The following TBCD variants were observed in gnomAD, a reference collection of about 807,000 sequenced individuals.
TBCD encodes the protein tubulin-specific chaperone D.
TBCD carries 105 observed loss-of-function variants against 169.3 expected under a neutral mutation model. The observed-to-expected ratio is 0.62, with a 90% CI of 0.53 to 0.73. The LOEUF (loss-of-function observed/expected upper bound fraction) is 0.73, where lower values mean the gene tolerates loss of function less well. TBCD is among the 30% of genes least tolerant of loss of function. The pLI is 0.00. For synonymous variants in TBCD, 700 were observed against 643.9 expected (o/e 1.09, Z -1.32); for missense variants, 1,444 against 1,600.1 (o/e 0.90, Z 1.66).
chr17:82,853,393 C>T (rs1371985929), intron 13 of TBCD, among the ~76,000 whole-genome samples: 2 of 150,690 alleles, frequency 1.3e-5, no homozygotes, highest in African/African-American at 2.4e-5. Context: ...TCCAGCAACA[C>T]CCCCCCTCCT....
chr17:82,801,222 G>A (rs1299210173), intron 9 of TBCD, among the ~76,000 whole-genome samples: 4 of 152,218 alleles, frequency 2.6e-5, no homozygotes, highest in East Asian at 1.9e-4. Flanking sequence ...AGGCCGAGCC[G>A]TAGGTGAGCG....
intron 8 of TBCD, 29 bp from the exon 9 acceptor site, chr17:82,800,835 C>T (rs2050459380): frequency 3.1e-6 from 5 of 1,604,508 alleles, no homozygotes; most frequent in Non-Finnish European, 3.4e-6. Flanking sequence ...TGCAGCCCTT[C>T]CTGCGCTGAG....
At chr17:82,793,846 A>G (rs1266069860) in intron 7 of TBCD, among the ~76,000 whole-genome samples, 6 of 151,906 alleles carry the variant, frequency 3.9e-5, no homozygotes, top group African/African-American at 1.5e-4. Context: ...CTGCGGGGGC[A>G]CGGATGCGAT....
intron 2 of TBCD, among the ~76,000 whole-genome samples, chr17:82,757,741 A>AT (rs1445533768): frequency 6.6e-6 from 1 of 152,176 alleles, no homozygotes; most frequent in African/African-American, 2.4e-5. Context: ...CCAAAGATAG[A>AT]GGTCCTTGGG....
intron 1 of TBCD, among the ~76,000 whole-genome samples, chr17:82,752,956 C>G (rs1314181931): frequency 2.6e-5 from 4 of 152,194 alleles, no homozygotes; most frequent in Non-Finnish European, 5.9e-5. Context: ...CGGGTCCGTG[C>G]CTCTGCAGGC....
At chr17:82,759,444 C>T (rs565499042) in intron 2 of TBCD, among the ~76,000 whole-genome samples, 61 of 152,262 alleles carry the variant, frequency 4.0e-4, no homozygotes, top group South Asian at 1.0e-3. Context: ...CGAGATCGTG[C>T]CACTGCACTC....
chr17:82,894,623 C>T (rs773637624), intron 17 of TBCD, among the ~76,000 whole-genome samples: 8 of 152,154 alleles, frequency 5.3e-5, no homozygotes, highest in Non-Finnish European at 7.3e-5. Flanking sequence ...TTCAGGTTTC[C>T]TCAACATTTA....
intron 13 of TBCD, among the ~76,000 whole-genome samples, chr17:82,865,322 G>A (rs2057089852): frequency 6.6e-6 from 1 of 152,220 alleles, no homozygotes; most frequent in Admixed American, 6.5e-5. Flanking sequence ...GCGGCTCTCG[G>A]GAGCCGTTTC....
At chr17:82,781,495 G>T in intron 6 of TBCD, 94 bp from the exon 7 acceptor site, 2 of 1,508,798 alleles carry the variant, frequency 1.3e-6, no homozygotes, top group South Asian at 1.3e-5. Context: ...TGAGGTGGGA[G>T]GGCCTGGGGA....
intron 13 of TBCD, among the ~76,000 whole-genome samples, chr17:82,852,917 C>A (rs907440834): frequency 6.6e-6 from 1 of 152,084 alleles, no homozygotes. Context: ...AGGGAATGAA[C>A]GTATTCAGAG....
chr17:82,776,476 T>C (rs773045917), intron 6 of TBCD, among the ~76,000 whole-genome samples: 16 of 152,228 alleles, frequency 1.1e-4, no homozygotes, highest in Non-Finnish European at 1.5e-4. Context: ...TTATACACAG[T>C]GCGTGTACCG....
intron 13 of TBCD, among the ~76,000 whole-genome samples, chr17:82,815,958 G>C (rs1166968594): frequency 6.6e-6 from 1 of 152,146 alleles, no homozygotes; most frequent in Non-Finnish European, 1.5e-5. Flanking sequence ...GTACGGTTAA[G>C]TGGTTTTTAT....
At chr17:82,844,751 CTG>C (rs2054858511) in intron 13 of TBCD, among the ~76,000 whole-genome samples, 1 of 90,964 alleles carries the variant, frequency 1.1e-5, no homozygotes, top group Non-Finnish European at 2.7e-5. Flanking sequence ...GTTCAACCCC[CTG>C]TGTTACTCAG....
chr17:82,788,607 G>A (rs907393808), intron 7 of TBCD, among the ~76,000 whole-genome samples: 22 of 152,160 alleles, frequency 1.4e-4, no homozygotes, highest in Admixed American at 1.2e-3. Context: ...GCCAAAGAAC[G>A]CTGGCACTGT....
In TBCD at chr17:82,806,134, C is replaced by G; in HGVS notation, c.1087+123C>G. On this transcript the variant is annotated intron_variant, in intron 10 of 38. Coordinates refer to ENST00000355528, the MANE Select transcript of TBCD (RefSeq NM_005993.5). The surrounding 1 kb of genome is among the most constrained non-coding windows in gnomAD (Gnocchi z 5.1). ...GCACTGTCTGGCCACCCGTCCCCTT[C>G]GCTGAGTGCACGGTCACTGCCCGTC... The G allele has an allele frequency of 7.4e-7, 1 of 1,347,068 alleles. No homozygotes were observed. Among genetic ancestry groups the G allele is most frequent in the Non-Finnish European group, 1.0e-6 (1 of 989,768 alleles). 83.4% of individuals were successfully genotyped at this position (1,347,068 alleles called of 1,614,324 possible).
chr17:82,807,610 C>T lies in TBCD; in HGVS notation c.1090C>T (p.Gln364Ter). Residue 364 changes from glutamine (Q) to a stop codon, truncating the protein, a stop_gained and splice_region_variant, in exon 11 of 39, where the codon CAG becomes TAG. Coordinates refer to ENST00000355528, the MANE Select transcript of TBCD (RefSeq NM_005993.5). LOFTEE classifies it high-confidence loss of function. ...GCATCACCTTCCTCTTCCTACAGAGCAGCTGCTGGTCGGGCTGAAGGACAA... is the reference window on the plus strand; with the variant it reads ...GCATCACCTTCCTCTTCCTACAGAGTAGCTGCTGGTCGGGCTGAAGGACAA... ...VPEGVERVIE[Q>*]LLVGLKDKDT... is the part of the protein sequence containing the mutation. 6.5e-7 allele frequency: 1 copy of T among 1,538,942 alleles called. No homozygotes were observed. The highest frequency in any genetic ancestry group is 2.0e-5 in the Admixed American group (1 of 49,564).
intron 9 of TBCD, among the ~76,000 whole-genome samples, chr17:82,805,669 G>A (rs533241231): frequency 3.9e-4 from 59 of 152,310 alleles, no homozygotes; most frequent in African/African-American, 2.4e-4. Flanking sequence ...GACTCGGGGC[G>A]TGTTTTGTGG....
At chr17:82,842,478 G>A (rs921267894) in intron 13 of TBCD, among the ~76,000 whole-genome samples, 8 of 152,110 alleles carry the variant, frequency 5.3e-5, no homozygotes, top group Non-Finnish European at 1.0e-4. Flanking sequence ...TGCCCCTTCT[G>A]CCCCCATGTC....
At chr17:82,845,205 G>T (rs2054909045) in intron 13 of TBCD, among the ~76,000 whole-genome samples, 1 of 152,172 alleles carries the variant, frequency 6.6e-6, no homozygotes, top group African/African-American at 2.4e-5. Context: ...CGGGGGTGAG[G>T]CACAGGACAT....
Sources: allele counts gnomAD v4.1 joint callset (sites outside exome capture counted in the v4.1 genomes callset), GRCh38; gene constraint gnomAD v4.1.1; non-coding constraint Gnocchi (gnomAD v3.1); transcripts MANE v1.5; gene names NCBI Gene and HGNC (gene_info 2026-07-23, HGNC 2026-07-21).